EYS: variants seen among roughly 807,000 people sequenced by gnomAD.
The protein encoded by EYS is protein eyes shut homolog.
EYS carries 250 observed loss-of-function variants against 282.1 expected under a neutral mutation model. That is an observed-to-expected ratio of 0.89 (90% CI 0.80 to 0.98). The LOEUF (loss-of-function observed/expected upper bound fraction) is 0.98, where lower values mean the gene tolerates loss of function less well. Among genes scored for constraint, EYS ranks in the 50% least tolerant of loss-of-function variants. The probability of loss-of-function intolerance (pLI) is 0.00; values close to 1 mark genes in which losing one functional copy is unlikely to be tolerated. For synonymous variants in EYS, 1,355 were observed against 1,282.9 expected (o/e 1.06, Z -1.20); for missense variants, 4,016 against 3,709.0 (o/e 1.08, Z -2.15).
At chr6:65,363,729 G>C (rs1463512752) in intron 8 of EYS, among the ~76,000 whole-genome samples, 2 of 151,740 alleles carry the variant, frequency 1.3e-5, no homozygotes, top group Non-Finnish European at 2.9e-5. Context: ...TCTATCAGTA[G>C]TTTGCATTTT....
chr6:64,886,718 G>A lies in EYS; in HGVS notation c.2971C>T (p.Leu991Phe), dbSNP rs201819948. 577 of 1,545,658 alleles carry A rather than the reference G, an allele frequency of 3.7e-4. 2 individuals are homozygous for A. The Middle Eastern group carries it at 9.9e-3, about 27-fold the overall frequency. Reference protein sequence around the residue: ...CVYRTDGYNCLCAPGYTGINC... With the variant: ...CVYRTDGYNCFCAPGYTGINC... ...TTACCTGTATAACCAGGGGCACAGAGGCAGTTGTATCCATCAGTCCTGTAG... is the reference window on the plus strand; with the variant it reads ...TTACCTGTATAACCAGGGGCACAGAAGCAGTTGTATCCATCAGTCCTGTAG... The change falls in exon 19 of 43, where the codon CTC becomes TTC. Residue 991 changes from leucine (L) to phenylalanine (F), a missense_variant. By Grantham distance (22) the Leu-to-Phe change is conservative (BLOSUM62 0). Transcript: ENST00000503581.
At chr6:64,810,928 G>A (rs1764572657) in intron 22 of EYS, among the ~76,000 whole-genome samples, 1 of 151,996 alleles carries the variant, frequency 6.6e-6, no homozygotes, top group South Asian at 2.1e-4. Flanking sequence ...GTTTTTAAGA[G>A]TGACATGATT....
rs11358904 is a variant in EYS, at chr6:64,016,489, ATTTT to A, written c.6726-17310_6726-17307del. ...TTGGCTGCTGTGTCATACCTTTTTG[ATTTT>A]TTTTTTTTTTTTTTGAGACAGGGTC... On this transcript the variant is annotated intron_variant, in intron 33 of 42. Transcript: ENST00000503581. Among the ~76,000 whole-genome samples, 453 of 138,350 alleles carry A rather than the reference ATTTT, an allele frequency of 3.3e-3. 1 individual carries two copies. Among genetic ancestry groups the A allele is most frequent in the African/African-American group, 8.2e-3 (310 of 37,610 alleles). 90.8% of individuals were successfully genotyped at this position (138,350 alleles called of 152,430 possible). A position where few individuals can be genotyped will look rare whatever the true frequency, so the allele number is the denominator to read the frequency against.
chr6:65,356,507 C>G (rs1764492100), intron 8 of EYS, among the ~76,000 whole-genome samples: 1 of 151,998 alleles, frequency 6.6e-6, no homozygotes, highest in Admixed American at 6.6e-5. Context: ...CTGTGGTATT[C>G]TTCCTACTAC....
chr6:64,037,453 T>C (rs1053816126), intron 33 of EYS, among the ~76,000 whole-genome samples: 2 of 152,214 alleles, frequency 1.3e-5, no homozygotes, highest in African/African-American at 4.8e-5. Flanking sequence ...TCACAAAATG[T>C]GCAATTCATT....
intron 31 of EYS, among the ~76,000 whole-genome samples, chr6:64,085,340 G>GCGTGCGCACGTGCGCGCGCACACACA (rs112388321): frequency 7.2e-6 from 1 of 139,814 alleles, no homozygotes; most frequent in African/African-American, 2.8e-5. Context: ...ACGTGCGCGC[G>GCGTGCGCACGTGCGCGCGCACACACA]CACACACACA....
At chr6:64,937,643 C>G (rs1287126422) in intron 15 of EYS, among the ~76,000 whole-genome samples, 3 of 151,484 alleles carry the variant, frequency 2.0e-5, no homozygotes, top group Non-Finnish European at 4.4e-5. Flanking sequence ...CAAATATTGG[C>G]AAGATGTGGA....
intron 11 of EYS, among the ~76,000 whole-genome samples, chr6:65,334,219 G>A (rs1045886123): frequency 2.0e-5 from 3 of 151,164 alleles, no homozygotes; most frequent in Non-Finnish European, 4.4e-5. Context: ...TCTAATACTA[G>A]TTTCTTTTAT....
chr6:65,283,088 G>A (rs1486539495), intron 12 of EYS, among the ~76,000 whole-genome samples: 1 of 151,718 alleles, frequency 6.6e-6, no homozygotes, highest in East Asian at 1.9e-4. Context: ...TTTGATATTT[G>A]TTAATATACT....
chr6:65,110,321 G>A (rs1775178713), intron 12 of EYS, among the ~76,000 whole-genome samples: 2 of 152,064 alleles, frequency 1.3e-5, no homozygotes, highest in Non-Finnish European at 2.9e-5. Flanking sequence ...AGGAAGATCC[G>A]AACCCTGAAT....
intron 12 of EYS, among the ~76,000 whole-genome samples, chr6:65,184,409 C>T (rs1472551890): frequency 6.6e-6 from 1 of 151,728 alleles, no homozygotes; most frequent in African/African-American, 2.4e-5. Flanking sequence ...AGAGCCAGGA[C>T]CTCATGACTA....
chr6:64,112,894 A>G (rs1231580956), intron 31 of EYS, among the ~76,000 whole-genome samples: 1 of 151,390 alleles, frequency 6.6e-6, no homozygotes. Context: ...TCCCAGGGGG[A>G]GTTGCATTAA....
In EYS at chr6:64,169,327, C is replaced by T. The variant is rs1013780398; in HGVS notation, c.6424+61265G>A. ...ACAGGAGGTAGCAGAAGGCCTGATG[C>T]GTGATCAGAGATATACAAGGACAGG... On this transcript the variant is annotated intron_variant, in intron 31 of 42. Coordinates refer to ENST00000503581, the MANE Select transcript of EYS (RefSeq NM_001142800.2). 4.6e-5 allele frequency among the ~76,000 whole-genome samples: 7 copies of T among 151,550 alleles called. No homozygotes were observed. In the East Asian group the frequency reaches 5.8e-4, roughly 13 times the overall value.
chr6:64,026,167 G>C (rs367827983), intron 33 of EYS, among the ~76,000 whole-genome samples: 12 of 152,198 alleles, frequency 7.9e-5, no homozygotes, highest in African/African-American at 2.9e-4. Context: ...TTCTGCTGCT[G>C]CATCAGTGAG....
At chr6:64,861,412 T>A (rs1438961093) in intron 19 of EYS, among the ~76,000 whole-genome samples, 1 of 151,980 alleles carries the variant, frequency 6.6e-6, no homozygotes, top group East Asian at 1.9e-4. Context: ...GCCAGTGAGG[T>A]CAGGGGTGCT....
At chr6:64,195,814 T>A (rs1392862813) in intron 31 of EYS, among the ~76,000 whole-genome samples, 1 of 152,186 alleles carries the variant, frequency 6.6e-6, no homozygotes, top group African/African-American at 2.4e-5. Context: ...AAGGCACACC[T>A]ACTTTATGTG....
intron 19 of EYS, among the ~76,000 whole-genome samples, chr6:64,881,993 A>T (rs955042122): frequency 1.1e-4 from 16 of 151,832 alleles, no homozygotes; most frequent in Non-Finnish European, 1.2e-4. Context: ...AATGTGTAAG[A>T]TCCAGCTTTT....
chr6:65,065,279 C>T (rs958489317), intron 12 of EYS, among the ~76,000 whole-genome samples: 33 of 152,132 alleles, frequency 2.2e-4, no homozygotes, highest in Admixed American at 2.2e-3. Context: ...ATACTTACTT[C>T]CCAGATGATA....
At chr6:64,097,530 G>A (rs567209618) in intron 31 of EYS, among the ~76,000 whole-genome samples, 94 of 152,296 alleles carry the variant, frequency 6.2e-4, no homozygotes, top group African/African-American at 1.9e-3. Context: ...ACAAGGCTGC[G>A]TGGGTGTAGG....
Sources: allele counts gnomAD v4.1 joint callset (sites outside exome capture counted in the v4.1 genomes callset), GRCh38; gene constraint gnomAD v4.1.1; transcripts MANE v1.5; gene names NCBI Gene and HGNC (gene_info 2026-07-23, HGNC 2026-07-21).